The following NPLOC4 variants were observed in gnomAD, a reference collection of about 807,000 sequenced individuals.
The protein encoded by NPLOC4 is NPL4 homolog, ubiquitin recognition factor.
Under a neutral mutation model 80.6 loss-of-function variants are expected in NPLOC4, and 18 were observed. The ratio of observed to expected loss-of-function variants is 0.22; its 90% confidence interval spans 0.15 to 0.33. The LOEUF (loss-of-function observed/expected upper bound fraction) is 0.33, where lower values mean the gene tolerates loss of function less well. Ranked by LOEUF, NPLOC4 falls within the 10% of genes least tolerant of loss-of-function variation. The probability of loss-of-function intolerance (pLI) is 1.00; values close to 1 mark genes in which losing one functional copy is unlikely to be tolerated. For missense variants in NPLOC4, 540 were observed against 786.1 expected (o/e 0.69, Z 3.74); for synonymous variants, 313 against 301.5 (o/e 1.04, Z -0.39).
intron 16 of NPLOC4, chr17:81,563,332 C>CA (rs2033908149): frequency 6.6e-6 from 1 of 150,656 alleles, no homozygotes; most frequent in Non-Finnish European, 1.5e-5. Flanking sequence ...CTCAGCCTCC[C>CA]AAAGTGCTGG....
At chr17:81,616,711 CAG>C (rs942612885) in intron 3 of NPLOC4, among the ~76,000 whole-genome samples, 35 of 137,628 alleles carry the variant, frequency 2.5e-4, no homozygotes, top group African/African-American at 9.7e-4. Context: ...GCCTGGGCGA[CAG>C]AGCAAGACTC....
chr17:81,582,460 G>C (rs542111691), intron 12 of NPLOC4, among the ~76,000 whole-genome samples: 2 of 152,170 alleles, frequency 1.3e-5, no homozygotes, highest in Admixed American at 6.5e-5. Flanking sequence ...GGAGTACAGT[G>C]GTACAATCAT....
chr17:81,615,755 C>T (rs757835932), intron 3 of NPLOC4, among the ~76,000 whole-genome samples: 5 of 152,254 alleles, frequency 3.3e-5, no homozygotes, highest in East Asian at 1.9e-4. Flanking sequence ...AACCAAAGGA[C>T]GCCTGAACAG....
intron 8 of NPLOC4, among the ~76,000 whole-genome samples, chr17:81,604,118 G>A (rs1039350093): frequency 2.0e-5 from 3 of 152,034 alleles, no homozygotes; most frequent in African/African-American, 4.8e-5. Flanking sequence ...CTATTTTGGT[G>A]GCAGTTTTTG....
intron 2 of NPLOC4, among the ~76,000 whole-genome samples, chr17:81,626,779 AAATAAT>A (rs936355755): frequency 1.3e-5 from 2 of 152,020 alleles, no homozygotes; most frequent in African/African-American, 2.4e-5. Context: ...ACCTAGGCAA[AAATAAT>A]AATAATAATA....
intron 13 of NPLOC4, among the ~76,000 whole-genome samples, chr17:81,571,230 G>A (rs1250884397): frequency 6.6e-6 from 1 of 152,216 alleles, no homozygotes; most frequent in East Asian, 1.9e-4. Flanking sequence ...AATGCAGCCT[G>A]AATAGATCCT....
intron 6 of NPLOC4, 88 bp downstream of exon 6, chr17:81,608,640 T>TAGAAAA (rs2035265103): frequency 3.4e-6 from 3 of 894,398 alleles, no homozygotes; most frequent in Non-Finnish European, 5.5e-6. Flanking sequence ...TTTACTTCTC[T>TAGAAAA]CATTCACACG....
intron 10 of NPLOC4, among the ~76,000 whole-genome samples, 156 bp from the exon 11 acceptor site, chr17:81,596,398 A>G (rs2034909296): frequency 6.6e-6 from 1 of 152,162 alleles, no homozygotes; most frequent in Non-Finnish European, 1.5e-5. Context: ...ACTTGAGGAC[A>G]AGAGTTCGAG....
intron 3 of NPLOC4, among the ~76,000 whole-genome samples, chr17:81,620,985 C>T (rs375438037): frequency 3.3e-5 from 5 of 150,176 alleles, no homozygotes; most frequent in East Asian, 2.0e-4. Context: ...ATCGCACCAC[C>T]GCACTCCAGC....
chr17:81,631,462 T>TCC (rs79975064), intron 1 of NPLOC4, among the ~76,000 whole-genome samples: 33 of 123,842 alleles, frequency 2.7e-4, no homozygotes, highest in Admixed American at 1.6e-3. Context: ...TTTTTTTTTT[T>TCC]CCCCCACGGC....
chr17:81,568,625 A>G (rs1779086848), intron 14 of NPLOC4, among the ~76,000 whole-genome samples: 1 of 152,214 alleles, frequency 6.6e-6, no homozygotes, highest in African/African-American at 2.4e-5. Context: ...TCAACACTAC[A>G]CACGGGAAAG....
At chr17:81,613,135 A>AAAC (rs924134298) in intron 4 of NPLOC4, 183 bp downstream of exon 4, 10 of 548,576 alleles carry the variant, frequency 1.8e-5, no homozygotes, top group East Asian at 1.5e-4. Flanking sequence ...GCTAAAAAAA[A>AAAC]AAAACAAAAA....
At chr17:81,609,725 A>C (rs2035294291) in intron 5 of NPLOC4, among the ~76,000 whole-genome samples, 1 of 152,244 alleles carries the variant, frequency 6.6e-6, no homozygotes, top group Admixed American at 6.5e-5. Context: ...GAAATGCCAC[A>C]AGATGAGGCA....
intron 11 of NPLOC4, 115 bp from the exon 12 acceptor site, chr17:81,589,219 G>C: frequency 1.1e-6 from 1 of 914,616 alleles, no homozygotes; most frequent in Non-Finnish European, 1.6e-6. Context: ...GAGTTTGTCG[G>C]GGGTAAGAGT....
chr17:81,603,021 AAGTC>A (rs936256417), intron 8 of NPLOC4, among the ~76,000 whole-genome samples: 2 of 149,182 alleles, frequency 1.3e-5, no homozygotes, highest in African/African-American at 5.0e-5. Context: ...ACACATATAA[AAGTC>A]AGACATGGTG....
At chr17:81,620,792 A>T (rs1264372233) in intron 3 of NPLOC4, among the ~76,000 whole-genome samples, 1 of 152,140 alleles carries the variant, frequency 6.6e-6, no homozygotes, top group Non-Finnish European at 1.5e-5. Flanking sequence ...GAGAGTGTGC[A>T]CTCACAGTCA....
intron 11 of NPLOC4, among the ~76,000 whole-genome samples, chr17:81,594,295 A>AC (rs2034834212): frequency 6.6e-6 from 1 of 150,648 alleles, no homozygotes; most frequent in South Asian, 2.1e-4. Context: ...AAAAAAAAAA[A>AC]AAAAAAAAAC....
chr17:81,573,001 G>T (rs2034202602), intron 12 of NPLOC4, among the ~76,000 whole-genome samples: 1 of 152,118 alleles, frequency 6.6e-6, no homozygotes, highest in Admixed American at 6.5e-5. Context: ...TAATTATGGG[G>T]AAAAACGGCC....
At chr17:81,583,068 C>G (rs1598633462) in intron 12 of NPLOC4, among the ~76,000 whole-genome samples, 1 of 152,374 alleles carries the variant, frequency 6.6e-6, no homozygotes, top group East Asian at 1.9e-4. Context: ...TGTGACACAC[C>G]CATGTGCATT....
Sources: gnomAD v4.1 joint callset for allele counts (sites outside exome capture counted in the v4.1 genomes callset) on GRCh38, gnomAD v4.1.1 for gene constraint, MANE v1.5 for transcripts, NCBI Gene and HGNC (gene_info 2026-07-23, HGNC 2026-07-21) for gene names.